Variants in SLC12A2 observed in about 807,000 individuals in gnomAD.
SLC12A2 encodes Na-K-2Cl cotransporter 1.
A neutral mutation model predicts 136.3 loss-of-function variants in SLC12A2; 67 were observed. That is an observed-to-expected ratio of 0.49 (90% CI 0.40 to 0.60). SLC12A2 has a LOEUF of 0.60. Among genes scored for constraint, SLC12A2 ranks in the 20% least tolerant of loss-of-function variants. The pLI, the probability that SLC12A2 is intolerant of heterozygous loss-of-function variation, is 0.00. For synonymous variants in SLC12A2, 619 were observed against 562.9 expected (o/e 1.10, Z -1.41); for missense variants, 1,322 against 1,534.7 (o/e 0.86, Z 2.32).
At chr5:128,124,787 G>A (rs112667062) in intron 4 of SLC12A2, among the ~76,000 whole-genome samples, 95 of 152,164 alleles carry the variant, frequency 6.2e-4, no homozygotes, top group African/African-American at 2.2e-3. Context: ...AGGGGTGGGA[G>A]CTGGGGTGGG....
chr5:128,189,036 C>A lies in SLC12A2; in HGVS notation c.*2405C>A, dbSNP rs1247547229. 6.6e-6 allele frequency: 1 copy of A among 150,658 alleles called. No homozygotes were observed. Among genetic ancestry groups the A allele is most frequent in the Non-Finnish European group, 1.5e-5 (1 of 67,820 alleles). The allele number at this position is 150,658 out of a possible 1,614,324, so 9.3% of individuals were successfully genotyped here. ...TGGGTATAAAGTACATAAAATATAT[C>A]TAACTATTCATAATGTGGGGTGGGT... On this transcript the variant is annotated 3_prime_UTR_variant, in exon 27 of 27. Coordinates refer to ENST00000262461, the MANE Select transcript of SLC12A2 (RefSeq NM_001046.3).
At chr5:128,101,546 G>A (rs189531356) in intron 1 of SLC12A2, among the ~76,000 whole-genome samples, 29 of 152,186 alleles carry the variant, frequency 1.9e-4, no homozygotes, top group African/African-American at 7.0e-4. Flanking sequence ...TAAGCTACTT[G>A]TCAAGAAAGT....
At chr5:128,127,116 ATTTTTTTTTTT>A (rs35726459) in intron 4 of SLC12A2, among the ~76,000 whole-genome samples, 1 of 68,734 alleles carries the variant, frequency 1.5e-5, no homozygotes, top group Non-Finnish European at 2.5e-5. Context: ...TTGGTCTGGA[ATTTTTTTTTTT>A]TTTTTTTTTT....
At chr5:128,132,630 C>A (rs902844208) in intron 5 of SLC12A2, among the ~76,000 whole-genome samples, 1 of 151,980 alleles carries the variant, frequency 6.6e-6, no homozygotes, top group Admixed American at 6.6e-5. Flanking sequence ...CCTATAATTG[C>A]TCATGTTAGG....
At chr5:128,120,797 CAT>C (rs1382797913) in intron 4 of SLC12A2, among the ~76,000 whole-genome samples, 1 of 151,982 alleles carries the variant, frequency 6.6e-6, no homozygotes, top group Non-Finnish European at 1.5e-5. Flanking sequence ...CAGCATGGCA[CAT>C]GTGTACATAT....
chr5:128,186,727 T>C lies in SLC12A2; in HGVS notation c.*96T>C, dbSNP rs2126763763. Reference sequence around the variant, plus strand: ...GACACATTAACATCACAATGGCGAATGGTGACTTTTCTTTCACGATTTCAT... The same window carrying C: ...GACACATTAACATCACAATGGCGAACGGTGACTTTTCTTTCACGATTTCAT... On this transcript the variant is annotated 3_prime_UTR_variant, in exon 27 of 27. Transcript: ENST00000262461. 1.6e-6 allele frequency: 2 copies of C among 1,277,684 alleles called. No individual in the cohort carries two copies. The highest frequency in any genetic ancestry group is 4.7e-5 in the East Asian group (2 of 42,920). 79.1% of individuals were successfully genotyped at this position (1,277,684 alleles called of 1,614,324 possible). A position where few individuals can be genotyped will look rare whatever the true frequency, so the allele number is the denominator to read the frequency against.
intron 22 of SLC12A2, 112 bp downstream of exon 22, chr5:128,178,801 C>A: frequency 1.4e-6 from 1 of 691,624 alleles, no homozygotes; most frequent in Non-Finnish European, 2.2e-6. Context: ...TGCCAGCATT[C>A]CCAAAAGCAA....
rs917538770 is a variant in SLC12A2 at position 128,188,665 on chromosome 5, G to A, written c.*2034G>A. The stretch of plus-strand genomic sequence containing the variant: ...GGTGTGCAGCATTTTTGCTTCATGA[G>A]TATGACCTAGGTATAGAGATCTGAT... On this transcript the variant is annotated 3_prime_UTR_variant, in exon 27 of 27. Coordinates refer to ENST00000262461, the MANE Select transcript of SLC12A2 (RefSeq NM_001046.3). 2.0e-5 allele frequency: 3 copies of A among 149,744 alleles called. No homozygotes were observed. Among genetic ancestry groups the A allele is most frequent in the African/African-American group, 4.9e-5 (2 of 40,508 alleles). 9.3% of individuals were successfully genotyped at this position (149,744 alleles called of 1,614,324 possible).
At position 128,178,690 on chromosome 5, in the gene SLC12A2, G is replaced by T; in HGVS notation, c.3100+1G>T. ...GTCTGGTGGCTTTTTGATGATGGAG[G>T]TAAGGTTGTTAATTTTTTTAAAATG... On this transcript the variant is annotated splice_donor_variant, in intron 22 of 26. Coordinates refer to ENST00000262461, the MANE Select transcript of SLC12A2 (RefSeq NM_001046.3). LOFTEE classifies it high-confidence loss of function. The T allele has an allele frequency of 6.5e-7, 1 of 1,542,666 alleles. No individual in the cohort carries two copies. The highest frequency in any genetic ancestry group is 8.7e-7 in the Non-Finnish European group (1 of 1,150,366).
intron 20 of SLC12A2, among the ~76,000 whole-genome samples, chr5:128,175,679 C>T (rs921359447): frequency 6.6e-6 from 1 of 151,876 alleles, no homozygotes; most frequent in African/African-American, 2.4e-5. Flanking sequence ...ATATATGTTA[C>T]GATCTTATGA....
At chr5:128,157,847 A>G (rs1466032983) in intron 15 of SLC12A2, 1 of 500,926 alleles carries the variant, frequency 2.0e-6, no homozygotes, top group Non-Finnish European at 3.5e-6. Flanking sequence ...TTAGAGGGAC[A>G]TTTGGCATGA....
At chr5:128,087,029 A>G (rs1384910519) in intron 1 of SLC12A2, among the ~76,000 whole-genome samples, 3 of 152,252 alleles carry the variant, frequency 2.0e-5, no homozygotes, top group African/African-American at 7.2e-5. Flanking sequence ...GTTGGGAACT[A>G]CAGAAGAAGA....
At chr5:128,117,363 C>T (rs947367057) in intron 4 of SLC12A2, among the ~76,000 whole-genome samples, 2 of 152,108 alleles carry the variant, frequency 1.3e-5, no homozygotes. Context: ...CATAAGTTAA[C>T]AATGAAACAA....
In SLC12A2 at chr5:128,138,594, C is replaced by T. The variant is rs377670549; in HGVS notation, c.1409-3C>T. 5.4e-5 allele frequency: 87 copies of T among 1,604,756 alleles called. No individual in the cohort carries two copies. Among genetic ancestry groups the T allele is most frequent in the Middle Eastern group, 1.7e-4 (1 of 5,998 alleles). The stretch of plus-strand genomic sequence containing the variant: ...ATTGTCAAGAATATTTTGTTCTCTG[C>T]AGCTGAAATATTTAATGAGAACTTT... On this transcript the variant is annotated splice_region_variant and splice_polypyrimidine_tract_variant and intron_variant, in intron 7 of 26. Transcript: ENST00000262461.
At chr5:128,129,874 G>A (rs893356367) in intron 4 of SLC12A2, among the ~76,000 whole-genome samples, 3 of 152,136 alleles carry the variant, frequency 2.0e-5, no homozygotes, top group Non-Finnish European at 2.9e-5. Flanking sequence ...GCATTAGATT[G>A]TCTCTGAATC....
At chr5:128,170,635 C>CT (rs1325470285) in intron 18 of SLC12A2, 3 of 152,120 alleles carry the variant, frequency 2.0e-5, no homozygotes, top group Admixed American at 2.0e-4. Context: ...CCTGTTACCA[C>CT]TTTCAGAGAA....
At chr5:128,085,196 G>A (rs1290857484) in intron 1 of SLC12A2, among the ~76,000 whole-genome samples, 1 of 152,030 alleles carries the variant, frequency 6.6e-6, no homozygotes, top group Non-Finnish European at 1.5e-5. Flanking sequence ...TTAACAGGGT[G>A]TGTTTATGGT....
At chr5:128,134,113 G>T (rs13174582) in intron 5 of SLC12A2, 52 bp from the exon 6 acceptor site, 44 of 904,922 alleles carry the variant, frequency 4.9e-5, no homozygotes, top group Non-Finnish European at 6.7e-5. Context: ...GAGTGTGAAT[G>T]TGTATAAAAA....
At chr5:128,151,167 T>C (rs1285989804) in intron 13 of SLC12A2, 74 bp from the exon 14 acceptor site, 1 of 1,308,766 alleles carries the variant, frequency 7.6e-7, no homozygotes, top group African/African-American at 1.5e-5. Flanking sequence ...GAATGTTATT[T>C]TTTGAATACA....
Sources: gnomAD v4.1 joint callset for allele counts (sites outside exome capture counted in the v4.1 genomes callset) on GRCh38, gnomAD v4.1.1 for gene constraint, MANE v1.5 for transcripts, NCBI Gene and HGNC (gene_info 2026-07-23, HGNC 2026-07-21) for gene names.